AGBL1: variants seen among roughly 807,000 people sequenced by gnomAD.
AGBL1 encodes the protein AGBL carboxypeptidase 1.
A neutral mutation model predicts 118.9 loss-of-function variants in AGBL1; 130 were observed. The ratio of observed to expected loss-of-function variants is 1.09; its 90% confidence interval spans 0.95 to 1.26. AGBL1 has a LOEUF of 1.26. AGBL1 is among the 50% of genes most tolerant of loss of function. AGBL1 has a pLI of 0.00. For synonymous variants in AGBL1, 555 were observed against 478.9 expected (o/e 1.16, Z -2.08); for missense variants, 1,584 against 1,298.1 (o/e 1.22, Z -3.38).
intron 23 of AGBL1, among the ~76,000 whole-genome samples, chr15:86,957,127 T>G (rs2080939226): frequency 6.6e-6 from 1 of 152,124 alleles, no homozygotes; most frequent in Non-Finnish European, 1.5e-5. Flanking sequence ...ATTCTGTGCG[T>G]GTGGGATCTG....
chr15:86,848,370 G>C (rs912036967), intron 22 of AGBL1, among the ~76,000 whole-genome samples: 1 of 152,098 alleles, frequency 6.6e-6, no homozygotes, highest in African/African-American at 2.4e-5. Flanking sequence ...TAGAATCCCT[G>C]TTTCAATAAA....
chr15:86,362,199 C>T (rs566393463), intron 17 of AGBL1, among the ~76,000 whole-genome samples: 1 of 149,002 alleles, frequency 6.7e-6, no homozygotes, highest in South Asian at 2.1e-4. Context: ...CTTTTACTCT[C>T]TCACACATTT....
chr15:86,259,253 C>G (rs2078945752), intron 9 of AGBL1, among the ~76,000 whole-genome samples: 1 of 152,188 alleles, frequency 6.6e-6, no homozygotes, highest in Non-Finnish European at 1.5e-5. Context: ...GCCAAAATCA[C>G]CCCTAGTTGA....
intron 18 of AGBL1, among the ~76,000 whole-genome samples, chr15:86,445,585 G>A (rs1182058922): frequency 6.6e-6 from 1 of 152,214 alleles, no homozygotes; most frequent in African/African-American, 2.4e-5. Flanking sequence ...GTGCCTGCTA[G>A]CGAGTGTGGT....
At chr15:86,388,896 T>C (rs931892116) in intron 17 of AGBL1, among the ~76,000 whole-genome samples, 3 of 152,198 alleles carry the variant, frequency 2.0e-5, no homozygotes, top group Admixed American at 6.5e-5. Flanking sequence ...AAAAATGCCA[T>C]GAATGTGTTT....
At chr15:86,735,602 C>CTGTGTGTGTG (rs35147328) in intron 22 of AGBL1, among the ~76,000 whole-genome samples, 1,443 of 141,930 alleles carry the variant, frequency 0.01, 35 homozygotes, top group African/African-American at 0.037. Flanking sequence ...GAGATACAGA[C>CTGTGTGTGTG]TGTGTGTGTG....
chr15:86,488,400 T>G (rs2082737776), intron 18 of AGBL1, among the ~76,000 whole-genome samples: 1 of 151,844 alleles, frequency 6.6e-6, no homozygotes, highest in Non-Finnish European at 1.5e-5. Flanking sequence ...CATTAGGAGC[T>G]GACCCAGCTC....
chr15:86,931,614 C>G (rs533328626), intron 23 of AGBL1, among the ~76,000 whole-genome samples: 1 of 139,608 alleles, frequency 7.2e-6, no homozygotes, highest in Admixed American at 7.4e-5. Flanking sequence ...GCTGCTGCTG[C>G]TGGTTGTTGT....
At chr15:86,622,551 G>C (rs1294027598) in intron 21 of AGBL1, among the ~76,000 whole-genome samples, 1 of 152,142 alleles carries the variant, frequency 6.6e-6, no homozygotes, top group East Asian at 1.9e-4. Flanking sequence ...GAAACAGGAT[G>C]AAAAGATGGA....
At chr15:86,986,322 G>A (rs2081281895) in intron 23 of AGBL1, among the ~76,000 whole-genome samples, 1 of 152,286 alleles carries the variant, frequency 6.6e-6, no homozygotes, top group African/African-American at 2.4e-5. Flanking sequence ...CAATTGACAT[G>A]TGGGTATTTA....
chr15:86,194,570 G>A (rs2077771240), intron 5 of AGBL1, among the ~76,000 whole-genome samples: 1 of 152,194 alleles, frequency 6.6e-6, no homozygotes, highest in Non-Finnish European at 1.5e-5. Context: ...TTGTGTGTCT[G>A]TGTACTGGGA....
chr15:86,694,437 A>G (rs2086221624), intron 22 of AGBL1, among the ~76,000 whole-genome samples: 1 of 152,030 alleles, frequency 6.6e-6, no homozygotes. Flanking sequence ...ATTTGTGTAC[A>G]TTAATTTTGT....
chr15:86,081,206 G>A (rs974637147), intron 1 of AGBL1, among the ~76,000 whole-genome samples: 1 of 152,066 alleles, frequency 6.6e-6, no homozygotes, highest in Non-Finnish European at 1.5e-5. Flanking sequence ...ACCATGCCTG[G>A]CTAATTTTTT....
At chr15:86,189,727 T>C (rs568820757) in intron 5 of AGBL1, among the ~76,000 whole-genome samples, 7 of 152,340 alleles carry the variant, frequency 4.6e-5, no homozygotes, top group South Asian at 2.1e-4. Flanking sequence ...CAGAAGCAGA[T>C]GCCGGTGCTG....
At chr15:86,917,786 GAGAGA>G (rs1437182426), downstream of AGBL1, among the ~76,000 whole-genome samples, 4 of 128,410 alleles carry the variant, frequency 3.1e-5, no homozygotes, top group East Asian at 4.1e-4. This position sits in a 1 kb window ranked among gnomAD's most constrained non-coding sequence, Gnocchi z 4.8. Flanking sequence ...GAAGGAGAGA[GAGAGA>G]AGAGAGAGGA....
chr15:86,990,027 G>T (rs886690796), intron 24 of AGBL1, among the ~76,000 whole-genome samples: 2 of 152,176 alleles, frequency 1.3e-5, no homozygotes, highest in African/African-American at 4.8e-5. Flanking sequence ...GGTCTTGGGG[G>T]CCATGGCCAG....
intron 24 of AGBL1, among the ~76,000 whole-genome samples, chr15:87,015,801 A>G (rs2081603626): frequency 1.3e-5 from 2 of 152,116 alleles, no homozygotes; most frequent in African/African-American, 2.4e-5. Context: ...AAACTAAAAC[A>G]TTAGGAGTAA....
At chr15:86,131,330 G>A (rs976068854) in intron 1 of AGBL1, among the ~76,000 whole-genome samples, 3 of 152,000 alleles carry the variant, frequency 2.0e-5, no homozygotes, top group African/African-American at 4.8e-5. Context: ...ATCTCTTGGT[G>A]GTACACATGA....
At chr15:87,002,335 A>G (rs1031860803) in intron 24 of AGBL1, among the ~76,000 whole-genome samples, 6 of 151,848 alleles carry the variant, frequency 4.0e-5, no homozygotes, top group Non-Finnish European at 7.4e-5. Context: ...CCATTGTTCT[A>G]TATCTCTGTT....
Sources: gnomAD v4.1 joint callset for allele counts (sites outside exome capture counted in the v4.1 genomes callset) on GRCh38, gnomAD v4.1.1 for gene constraint, Gnocchi (gnomAD v3.1) non-coding constraint, MANE v1.5 for transcripts, NCBI Gene and HGNC (gene_info 2026-07-23, HGNC 2026-07-21) for gene names.